UBN2: variants seen among roughly 807,000 people sequenced by gnomAD.
The protein encoded by UBN2 is ubinuclein-2.
Under a neutral mutation model 120.2 loss-of-function variants are expected in UBN2, and 35 were observed. The observed-to-expected ratio is 0.29, with a 90% CI of 0.22 to 0.39. UBN2 has a LOEUF of 0.39. UBN2 is among the 10% of genes least tolerant of loss of function. UBN2 has a pLI of 1.00. For synonymous variants in UBN2, 661 were observed against 648.7 expected, an observed-to-expected ratio of 1.02 and a Z score of -0.29; for missense variants, 1,693 against 1,663.2, an observed-to-expected ratio of 1.02 and a Z score of -0.31.
At chr7:139,280,416 A>G (rs1050069319) in intron 13 of UBN2, among the ~76,000 whole-genome samples, 3 of 152,230 alleles carry the variant, frequency 2.0e-5, no homozygotes, top group Admixed American at 2.0e-4. Context: ...AGTAAAAACT[A>G]TAATCATTTG....
chr7:139,259,585 G>T (rs553565308), intron 5 of UBN2, among the ~76,000 whole-genome samples: 1 of 152,272 alleles, frequency 6.6e-6, no homozygotes, highest in South Asian at 2.1e-4. Context: ...TAGGTGAAAT[G>T]CTCATTACTA....
At position 139,251,958 on chromosome 7, in the gene UBN2, T is replaced by C. The variant is rs1453808056; in HGVS notation, c.564T>C (p.Gly188=). Residue 188 remains glycine (G), a splice_region_variant and synonymous_variant, in exon 3 of 18, where the codon GGT becomes GGC. Coordinates refer to ENST00000473989, the MANE Select transcript of UBN2 (RefSeq NM_173569.4). The part of the protein sequence containing the change: ...MLAKKFEMKY[G]GKPRKHRKDR... Reference sequence around the variant, plus strand: ...TCTAATGTATCTGTTCTTTGCAGGGTGGGAAACCCCGTAAACACCGGAAGG... The same window carrying C: ...TCTAATGTATCTGTTCTTTGCAGGGCGGGAAACCCCGTAAACACCGGAAGG... 6 of 1,613,886 alleles carry C rather than the reference T, an allele frequency of 3.7e-6. No homozygotes were observed. Among genetic ancestry groups the C allele is most frequent in the African/African-American group, 2.7e-5 (2 of 74,928 alleles).
chr7:139,269,556 G>A (rs771424331), intron 8 of UBN2, 33 bp downstream of exon 8: 1 of 1,608,874 alleles, frequency 6.2e-7, no homozygotes. Flanking sequence ...CTACATCTTG[G>A]GTTTCATAAC....
At position 139,281,881 on chromosome 7, in the gene UBN2, C is replaced by T. The variant is rs959288009; in HGVS notation, c.2068-124C>T. ...GACATTTGTGACCTTAATGCAGTTACACTTGTACTTCCAATTGGTAGTGAG... is the reference window on the plus strand; with the variant it reads ...GACATTTGTGACCTTAATGCAGTTATACTTGTACTTCCAATTGGTAGTGAG... On this transcript the variant is annotated intron_variant, in intron 13 of 17. Transcript: ENST00000473989. 7.5e-6 allele frequency: 6 copies of T among 802,742 alleles called. No homozygotes were observed. In the African/African-American group the frequency reaches 8.6e-5, roughly 11 times the overall value. 49.7% of individuals were successfully genotyped at this position (802,742 alleles called of 1,614,324 possible). A position where few individuals can be genotyped will look rare whatever the true frequency, so the allele number is the denominator to read the frequency against.
Position 139,234,149 on chromosome 7 carries a change from G to A in UBN2, c.468+2197G>A, listed in dbSNP as rs563008203. ...GAGAGACCATCAAAAAGCAAAATGCGAACATTAGAATTGGTCTGGAAAGTT... is the reference window on the plus strand; with the variant it reads ...GAGAGACCATCAAAAAGCAAAATGCAAACATTAGAATTGGTCTGGAAAGTT... On this transcript the variant is annotated intron_variant, in intron 1 of 17. Transcript: ENST00000473989. 5.9e-5 allele frequency among the ~76,000 whole-genome samples: 9 copies of A among 152,134 alleles called. 1 individual carries two copies. Among genetic ancestry groups the A allele is most frequent in the African/African-American group, 1.9e-4 (8 of 41,534 alleles).
intron 2 of UBN2, among the ~76,000 whole-genome samples, chr7:139,249,934 C>T (rs1256070049): frequency 6.6e-6 from 1 of 152,092 alleles, no homozygotes; most frequent in African/African-American, 2.4e-5. Context: ...CTCCTGGGCT[C>T]TCGCAATCCT....
Position 139,308,032 on chromosome 7 carries a change from T to C in UBN2, c.*10196T>C, listed in dbSNP as rs1033131985. The C allele has an allele frequency of 1.3e-5, 2 of 151,910 alleles. No homozygotes were observed. The highest frequency in any genetic ancestry group is 2.9e-5 in the Non-Finnish European group (2 of 67,986). 9.4% of individuals were successfully genotyped at this position (151,910 alleles called of 1,614,324 possible). ...CAGTGCAGGGATTTTTGTGTTTTTT[T>C]TTTTTTTTTAATTTTTTTGCAACAG... On this transcript the variant is annotated 3_prime_UTR_variant, in exon 18 of 18. Transcript: ENST00000473989.
chr7:139,269,935 A>G (rs929857063), intron 8 of UBN2, among the ~76,000 whole-genome samples: 5 of 151,892 alleles, frequency 3.3e-5, no homozygotes, highest in Non-Finnish European at 5.9e-5. Flanking sequence ...CAGCCTCCCA[A>G]GTAGCTAGGA....
At chr7:139,329,650 G>A in the UBN2 span, among the ~76,000 whole-genome samples, 1 of 152,096 alleles carries the variant, frequency 6.6e-6, no homozygotes, top group Admixed American at 6.6e-5. Flanking sequence ...TGGCGTGAGA[G>A]CATTCTTACG....
downstream of UBN2, among the ~76,000 whole-genome samples, chr7:139,312,090 A>T (rs1228223592): frequency 1.3e-5 from 2 of 152,190 alleles, no homozygotes; most frequent in African/African-American, 4.8e-5. Flanking sequence ...ATATGCCTTG[A>T]TTCATAGCAC....
intron 8 of UBN2, among the ~76,000 whole-genome samples, chr7:139,271,779 A>G (rs975860185): frequency 5.3e-5 from 8 of 152,174 alleles, no homozygotes; most frequent in African/African-American, 1.9e-4. Flanking sequence ...GCACATGAAT[A>G]AGAGTTTTTG....
intron 8 of UBN2, among the ~76,000 whole-genome samples, chr7:139,271,570 CGA>C (rs1294322310): frequency 2.0e-5 from 3 of 146,736 alleles, no homozygotes; most frequent in Admixed American, 6.8e-5. Context: ...TGTGTGACAG[CGA>C]GACTCTGTCT....
At chr7:139,233,286 C>T (rs544850742) in intron 1 of UBN2, among the ~76,000 whole-genome samples, 3 of 152,176 alleles carry the variant, frequency 2.0e-5, no homozygotes, top group South Asian at 4.2e-4. Context: ...CTTGAATGCC[C>T]CTTCTTTATA....
rs1563228953 is a variant in UBN2 at position 139,293,454 on chromosome 7, C to G, written c.3892C>G (p.Leu1298Val). 7 of 1,614,106 alleles carry G rather than the reference C, an allele frequency of 4.3e-6. No homozygotes were observed. Among genetic ancestry groups the G allele is most frequent in the Non-Finnish European group, 5.9e-6 (7 of 1,179,974 alleles). ...TACCTCAGCCGCTTTCCACCATAGCCTAACTCAGAGTAAGTGGGGCTCTTC... is the reference window on the plus strand; with the variant it reads ...TACCTCAGCCGCTTTCCACCATAGCGTAACTCAGAGTAAGTGGGGCTCTTC... ...GSTSAAFHHS[L>V]TQNLLKGLQP... Residue 1298 changes from leucine (L) to valine (V), a missense_variant, in exon 16 of 18, where the codon CTA (leucine) becomes GTA (valine). Physicochemically the swap from Leu to Val is conservative, Grantham distance 32. This residue lies in a region of UBN2 where 837 missense variants were observed against 817.6 expected (regional missense o/e 1.02). Transcript: ENST00000473989.
chr7:139,281,401 TATAA>T (rs1284305887), intron 13 of UBN2, among the ~76,000 whole-genome samples: 1 of 152,182 alleles, frequency 6.6e-6, no homozygotes, highest in Non-Finnish European at 1.5e-5. Flanking sequence ...TAAAAGTATC[TATAA>T]ATTTCTCCTC....
rs1375216663 is a variant in UBN2, at chr7:139,302,227, TTCTATG to T, written c.*4393_*4398del. On this transcript the variant is annotated 3_prime_UTR_variant, in exon 18 of 18. Coordinates refer to ENST00000473989, the MANE Select transcript of UBN2 (RefSeq NM_173569.4). ...TGCTGTGTAACCCTCTTCCTTTGCT[TTCTATG>T]TATATGGATATATGTGTAAGATACA... 1 of 152,236 alleles carries T rather than the reference TTCTATG, an allele frequency of 6.6e-6. No homozygotes were observed. The allele number at this position is 152,236 out of a possible 1,614,324, so 9.4% of individuals were successfully genotyped here. A position where few individuals can be genotyped will look rare whatever the true frequency, so the allele number is the denominator to read the frequency against.
At chr7:139,296,302 G>T (rs945537119) in intron 17 of UBN2, among the ~76,000 whole-genome samples, 1 of 152,194 alleles carries the variant, frequency 6.6e-6, no homozygotes, top group Non-Finnish European at 1.5e-5. Context: ...GACCATTGTA[G>T]TGAAAAACAG....
chr7:139,310,255 A>G (rs1056837721), downstream of UBN2, among the ~76,000 whole-genome samples: 2 of 151,776 alleles, frequency 1.3e-5, no homozygotes, highest in Admixed American at 1.3e-4. Context: ...TGAGCCCAGG[A>G]GGTTGAGGTT....
chr7:139,274,549 G>A (rs1443424225), intron 11 of UBN2, among the ~76,000 whole-genome samples: 2 of 151,856 alleles, frequency 1.3e-5, no homozygotes, highest in Non-Finnish European at 2.9e-5. Flanking sequence ...GATCACCTGA[G>A]GTCGGGAGTT....
Sources: gnomAD v4.1 joint callset for allele counts (sites outside exome capture counted in the v4.1 genomes callset) on GRCh38, gnomAD v4.1.1 for gene constraint, gnomAD v4.1.1 regional missense constraint, MANE v1.5 for transcripts, NCBI Gene and HGNC (gene_info 2026-07-23, HGNC 2026-07-21) for gene names.